The following AHNAK2 variants were observed in gnomAD, a reference collection of about 807,000 sequenced individuals.
AHNAK2 encodes the protein protein AHNAK2.
Under a neutral mutation model 30.7 loss-of-function variants are expected in AHNAK2, and 18 were observed. That is an observed-to-expected ratio of 0.59 (90% CI 0.41 to 0.87). AHNAK2 has a LOEUF of 0.87. AHNAK2 is among the 40% of genes least tolerant of loss of function. The probability of loss-of-function intolerance (pLI) is 0.00; values close to 1 mark genes in which losing one functional copy is unlikely to be tolerated. For missense variants in AHNAK2, 8,604 were observed against 7,373.0 expected (o/e 1.17, Z -6.11); for synonymous variants, 3,590 against 3,073.8 (o/e 1.17, Z -5.56).
At position 104,942,724 on chromosome 14, in the gene AHNAK2, G is replaced by T. The variant is rs199572888; in HGVS notation, c.12727C>A (p.Leu4243Met). Reference sequence around the variant, plus strand: ...TCCGCCTTGGGGCCTTTCAGGTCCAGCTTGGGGCCCTTGACATCCACCTGG... The same window carrying T: ...TCCGCCTTGGGGCCTTTCAGGTCCATCTTGGGGCCCTTGACATCCACCTGG... The part of the protein sequence containing the change: ...GPQVDVKGPK[L>M]DLKGPKADVM... Residue 4243 changes from leucine (L) to methionine (M), a missense_variant, in exon 7 of 7, where the codon CTG becomes ATG. Leu to Met is a conservative substitution (Grantham distance 15). Coordinates refer to ENST00000333244, the MANE Select transcript of AHNAK2 (RefSeq NM_138420.4). 151 of 1,613,132 alleles carry T rather than the reference G, an allele frequency of 9.4e-5. No homozygotes were observed. Among genetic ancestry groups the T allele is most frequent in the Non-Finnish European group, 1.2e-4 (142 of 1,179,694 alleles).
Position 104,956,688 on chromosome 14 carries a change from T to C in AHNAK2, c.215A>G (p.Glu72Gly). 6.2e-7 allele frequency: 1 copy of C among 1,613,538 alleles called. No homozygotes were observed. The highest frequency in any genetic ancestry group is 8.5e-7 in the Non-Finnish European group (1 of 1,179,826). ...TTEAADFGLQ[E>G]DAPGRQGSAG... ...AGAACCTTGCCTGCCGGGGGCGTCT[T>C]CCTGCAGCCACAAGTGTTGGGAGTT... The change falls in exon 4 of 7, where the codon GAA becomes GGA. Residue 72 changes from glutamate to glycine, a missense_variant and splice_region_variant. By Grantham distance (98) the Glu-to-Gly change is moderately conservative. Coordinates refer to ENST00000333244, the MANE Select transcript of AHNAK2 (RefSeq NM_138420.4).
rs776889442 is a variant in AHNAK2 at position 104,939,808 on chromosome 14, C to T, written c.15643G>A (p.Val5215Met). ...RDRGGAGKLEVAQTQAPAATG... is the reference protein window; with the variant it reads ...RDRGGAGKLEMAQTQAPAATG... ...GCTGCCGGTGCCTGTGTCTGAGCCA[C>T]TTCCAGCTTTCCAGCCCCGCCTCTG... The change falls in exon 7 of 7, where the codon GTG (valine) becomes ATG (methionine). Residue 5215 changes from valine to methionine, a missense_variant. Transcript: ENST00000333244. 3 of 1,613,678 alleles carry T rather than the reference C, an allele frequency of 1.9e-6. No individual in the cohort carries two copies. Among genetic ancestry groups the T allele is most frequent in the East Asian group, 4.5e-5 (2 of 44,892 alleles).
chr14:104,969,366 G>A (rs1028020167), intron 1 of AHNAK2, among the ~76,000 whole-genome samples: 8 of 152,200 alleles, frequency 5.3e-5, no homozygotes, highest in African/African-American at 9.6e-5. Context: ...AGCCCTAGCC[G>A]ACATCCCCAG....
intron 1 of AHNAK2, among the ~76,000 whole-genome samples, chr14:104,965,025 A>G (rs1899260078): frequency 6.6e-6 from 1 of 152,228 alleles, no homozygotes; most frequent in Non-Finnish European, 1.5e-5. Context: ...CTTAACACAA[A>G]TTCATAAACT....
At position 104,944,202 on chromosome 14, in the gene AHNAK2, A is replaced by G; in HGVS notation, c.11249T>C (p.Leu3750Pro). 1.2e-6 allele frequency: 2 copies of G among 1,612,658 alleles called. No homozygotes were observed. The highest frequency in any genetic ancestry group is 2.7e-5 in the African/African-American group (2 of 74,642). Residue 3750 changes from leucine to proline, a missense_variant, in exon 7 of 7, where the codon CTA (leucine) becomes CCA (proline). Physicochemically the swap from Leu to Pro is moderately conservative, Grantham distance 98. Transcript: ENST00000333244. The part of the protein sequence containing the change: ...QVDIKGPKLD[L>P]KVSKAEVTAP... The stretch of plus-strand genomic sequence containing the variant: ...TGTGACTTCCGCCTTGGAGACTTTT[A>G]GGTCCAGCTTGGGGCCCTTGATGTC...
Position 104,940,599 on chromosome 14 carries a change from C to A in AHNAK2, c.14852G>T (p.Ser4951Ile). 6.2e-7 allele frequency: 1 copy of A among 1,613,726 alleles called. No homozygotes were observed. The highest frequency in any genetic ancestry group is 1.3e-5 in the African/African-American group (1 of 75,050). Residue 4951 changes from serine (S) to isoleucine (I), a missense_variant, in exon 7 of 7, where the codon AGT becomes ATT. Coordinates refer to ENST00000333244, the MANE Select transcript of AHNAK2 (RefSeq NM_138420.4). The surrounding 1 kb of genome is among the most constrained non-coding windows in gnomAD (Gnocchi z 4.4). Reference sequence around the variant, plus strand: ...CTTAATCTTAGGCATTTTCAAGGGACTCCCTTTCCCTTCGTGGTCAGCATC... The same window carrying A: ...CTTAATCTTAGGCATTTTCAAGGGAATCCCTTTCCCTTCGTGGTCAGCATC... ...SEDADHEGKG[S>I]PLKMPKIKLP... is the part of the protein sequence containing the mutation.
In AHNAK2 at chr14:104,953,212, G is replaced by C. The variant is rs117125675; in HGVS notation, c.2239C>G (p.Pro747Ala). ...GQVDVKLPEG[P>A]LPEGASLKGH... ...TTGAGGCTGGCTCCCTCGGGCAGGG[G>C]GCCCTCCGGAAGTTTCACATCCACT... Residue 747 changes from proline (P) to alanine (A), a missense_variant, in exon 7 of 7, where the codon CCC becomes GCC. Pro to Ala is a conservative substitution (Grantham distance 27, BLOSUM62 -1). Transcript: ENST00000333244. 2.7e-5 allele frequency: 44 copies of C among 1,612,714 alleles called. 2 individuals carry two copies. The African/African-American group carries it at 5.9e-4, about 22-fold the overall frequency.
intron 1 of AHNAK2, among the ~76,000 whole-genome samples, chr14:104,967,497 C>A (rs567528286): frequency 5.2e-4 from 79 of 152,328 alleles, no homozygotes; most frequent in African/African-American, 1.8e-3. Context: ...GTGCTGGGAA[C>A]CTGCATGGGG....
chr14:104,963,998 C>G (rs1899229185), intron 1 of AHNAK2, among the ~76,000 whole-genome samples: 1 of 152,088 alleles, frequency 6.6e-6, no homozygotes, highest in East Asian at 1.9e-4. Context: ...ATCCAGCAGT[C>G]CCACTACTGG....
At position 104,941,248 on chromosome 14, in the gene AHNAK2, G is replaced by A; in HGVS notation, c.14203C>T (p.Pro4735Ser). The A allele has an allele frequency of 6.2e-7, 1 of 1,613,602 alleles. No homozygotes were observed. Among genetic ancestry groups the A allele is most frequent in the Non-Finnish European group, 8.5e-7 (1 of 1,179,890 alleles). Residue 4735 changes from proline to serine, a missense_variant, in exon 7 of 7, where the codon CCT becomes TCT. Transcript: ENST00000333244. The part of the protein sequence containing the change: ...AKSSIGLSTI[P>S]LSSSECSSFE... ...CTTGAGCATTCTGAAGATGATAAAGGAATCGTGGAAAGACCTATGCTAGAC... is the reference window on the plus strand; with the variant it reads ...CTTGAGCATTCTGAAGATGATAAAGAAATCGTGGAAAGACCTATGCTAGAC...
intron 1 of AHNAK2, among the ~76,000 whole-genome samples, chr14:104,961,339 C>T (rs530481353): frequency 1.3e-5 from 2 of 151,578 alleles, no homozygotes; most frequent in East Asian, 3.9e-4. Context: ...ACAGTGAAAC[C>T]CCGTCTCTAC....
rs868657322 is a variant in AHNAK2 at position 104,941,222 on chromosome 14, A to C, written c.14229T>G (p.Ser4743Arg). The change falls in exon 7 of 7, where the codon AGT (serine) becomes AGG (arginine). Residue 4743 changes from serine to arginine, a missense_variant. Transcript: ENST00000333244. ...AAGCCGAAACCTGTTGTAATTCAAA[A>C]CTTGAGCATTCTGAAGATGATAAAG... The part of the protein sequence containing the change: ...TIPLSSSECS[S>R]FELQQVSACS... 1 of 1,613,622 alleles carries C rather than the reference A, an allele frequency of 6.2e-7. No homozygotes were observed.
chr14:104,937,960 G>T lies in AHNAK2; in HGVS notation c.*103C>A, dbSNP rs1897854653. On this transcript the variant is annotated 3_prime_UTR_variant, in exon 7 of 7. Coordinates refer to ENST00000333244, the MANE Select transcript of AHNAK2 (RefSeq NM_138420.4). ...TCTGTTCTCCGTTCTGTGAAGTGAG[G>T]TGGATGTAATGTGCTGTGGGATGGG... 2 of 1,224,438 alleles carry T rather than the reference G, an allele frequency of 1.6e-6. No individual in the cohort carries two copies. Among genetic ancestry groups the T allele is most frequent in the South Asian group, 3.0e-5 (2 of 66,320 alleles). 75.8% of individuals were successfully genotyped at this position (1,224,438 alleles called of 1,614,324 possible). A position where few individuals can be genotyped will look rare whatever the true frequency, so the allele number is the denominator to read the frequency against.
rs375829736 is a variant in AHNAK2 at position 104,956,645 on chromosome 14, G to C, written c.258C>G (p.Ser86=). 3.5e-5 allele frequency: 56 copies of C among 1,613,744 alleles called. No individual in the cohort carries two copies. Among genetic ancestry groups the C allele is most frequent in the Non-Finnish European group, 4.5e-5 (53 of 1,179,874 alleles). The change falls in exon 4 of 7, where the codon TCC becomes TCG. Residue 86 remains serine, a synonymous_variant. Coordinates refer to ENST00000333244, the MANE Select transcript of AHNAK2 (RefSeq NM_138420.4). ...GRQGSAGRRR[S]WWKRDSGDSR... ...AGTCCCCTGAATCTCGCTTCCACCA[G>C]GATCTCCGTCTCCCAGCAGAACCTT...
chr14:104,952,127 C>A lies in AHNAK2; in HGVS notation c.3324G>T (p.Leu1108=), dbSNP rs939260893. 1.2e-5 allele frequency: 20 copies of A among 1,612,468 alleles called. No individual in the cohort carries two copies. The highest frequency in any genetic ancestry group is 1.6e-5 in the Non-Finnish European group (19 of 1,179,668). The change falls in exon 7 of 7, where the codon CTG becomes CTT. Residue 1108 remains leucine, a synonymous_variant. Transcript: ENST00000333244. ...GPQVDVKGPK[L]DLKSPKAEVT... Reference sequence around the variant, plus strand: ...CTTCCGCCTTGGGGCTTTTCAGGTCCAGCTTGGGGCCCTTGACGTCCACCT... The same window carrying A: ...CTTCCGCCTTGGGGCTTTTCAGGTCAAGCTTGGGGCCCTTGACGTCCACCT...
At position 104,942,140 on chromosome 14, in the gene AHNAK2, T is replaced by A; in HGVS notation, c.13311A>T (p.Gly4437=). Residue 4437 remains glycine, a synonymous_variant, in exon 7 of 7, where the codon GGA becomes GGT. Coordinates refer to ENST00000333244, the MANE Select transcript of AHNAK2 (RefSeq NM_138420.4). ...CCAGCCGCGTACTGTCCAGCTTGGCTCCTGGGGCTTGGATGTCCACCTCCA... is the reference window on the plus strand; with the variant it reads ...CCAGCCGCGTACTGTCCAGCTTGGCACCTGGGGCTTGGATGTCCACCTCCA... The part of the protein sequence containing the change: ...PSMEVDIQAP[G]AKLDSTRLEG... 1.2e-6 allele frequency: 2 copies of A among 1,613,080 alleles called. No homozygotes were observed. Among genetic ancestry groups the A allele is most frequent in the Non-Finnish European group, 1.7e-6 (2 of 1,179,704 alleles).
rs764237262 is a variant in AHNAK2 at position 104,954,355 on chromosome 14, G to C, written c.1096C>G (p.Leu366Val). ...CCTGTGGCAGCCCCAGTCTCCTCGAGGCTATCACCCCAGGGCCCCAACTCT... is the reference window on the plus strand; with the variant it reads ...CCTGTGGCAGCCCCAGTCTCCTCGACGCTATCACCCCAGGGCCCCAACTCT... ...LEELGPWGDSLEETGAATGSR... is the reference protein window; with the variant it reads ...LEELGPWGDSVEETGAATGSR... The change falls in exon 7 of 7, where the codon CTC (leucine) becomes GTC (valine). Residue 366 changes from leucine (L) to valine (V), a missense_variant. Physicochemically the swap from Leu to Val is conservative, Grantham distance 32. Transcript: ENST00000333244. This position sits in a 1 kb window ranked among gnomAD's most constrained non-coding sequence, Gnocchi z 4.3. The C allele has an allele frequency of 6.2e-7, 1 of 1,613,374 alleles. No homozygotes were observed. The highest frequency in any genetic ancestry group is 1.1e-5 in the South Asian group (1 of 91,080).
At chr14:104,955,433 C>A in intron 5 of AHNAK2, 50 bp downstream of exon 5, 1 of 1,572,822 alleles carries the variant, frequency 6.4e-7, no homozygotes, top group South Asian at 1.2e-5. Flanking sequence ...CAGGTCCCTC[C>A]CATCCTGGTG....
In AHNAK2 at chr14:104,978,183, C is replaced by T. The variant is rs1899645533; in HGVS notation, c.55G>A (p.Val19Met). The T allele has an allele frequency of 3.3e-6, 4 of 1,213,052 alleles. No individual in the cohort carries two copies. In the Admixed American group the frequency reaches 1.3e-4, roughly 39 times the overall value. The allele number at this position is 1,213,052 out of a possible 1,614,324, so 75.1% of individuals were successfully genotyped here. ...LPTWPGTPGS[V>M]SGRQLQPGEP... is the part of the protein sequence containing the mutation. ...GGGCTGCAGGCGGGGAGGGGCGCAC[C>T]GCTGCCGGGGGTTCCGGGCCAGGTG... The change falls in exon 1 of 7, where the codon GTG (valine) becomes ATG (methionine). Residue 19 changes from valine to methionine, a missense_variant and splice_region_variant. Coordinates refer to ENST00000333244, the MANE Select transcript of AHNAK2 (RefSeq NM_138420.4).
Sources: allele counts gnomAD v4.1 joint callset (sites outside exome capture counted in the v4.1 genomes callset), GRCh38; gene constraint gnomAD v4.1.1; non-coding constraint Gnocchi (gnomAD v3.1); transcripts MANE v1.5; gene names NCBI Gene and HGNC (gene_info 2026-07-23, HGNC 2026-07-21).